The following NUDT3 variants were observed in gnomAD, a reference collection of about 807,000 sequenced individuals.
NUDT3 encodes the protein diphosphoinositol polyphosphate phosphohydrolase 1.
NUDT3 carries 9 observed loss-of-function variants against 23.6 expected under a neutral mutation model. The observed-to-expected ratio is 0.38, with a 90% CI of 0.23 to 0.66. The LOEUF is 0.66. Among genes scored for constraint, NUDT3 ranks in the 30% least tolerant of loss-of-function variants. NUDT3 has a pLI of 0.52. For synonymous variants in NUDT3, 86 were observed against 82.6 expected (o/e 1.04, Z -0.22); for missense variants, 172 against 218.5 (o/e 0.79, Z 1.34).
intron 2 of NUDT3, among the ~76,000 whole-genome samples, chr6:34,326,899 C>A (rs1025932189): frequency 1.3e-5 from 2 of 152,106 alleles, no homozygotes; most frequent in Non-Finnish European, 2.9e-5. Flanking sequence ...TAGGGTCCCG[C>A]CCTACGGGGC....
At chr6:34,387,422 T>C (rs2113772636) in intron 1 of NUDT3, among the ~76,000 whole-genome samples, 1 of 152,212 alleles carries the variant, frequency 6.6e-6, no homozygotes, top group Admixed American at 6.5e-5. Flanking sequence ...TTTGTGTCTT[T>C]GTTTTCAACC....
At chr6:34,367,486 A>T (rs80289435) in intron 1 of NUDT3, among the ~76,000 whole-genome samples, 3 of 144,718 alleles carry the variant, frequency 2.1e-5, no homozygotes, top group Non-Finnish European at 4.6e-5. Flanking sequence ...CCATCTCATT[A>T]AAAAAAAAAA....
chr6:34,281,647 A>T lies in NUDT3; in HGVS notation c.*7106T>A, dbSNP rs1763280890. 6.6e-6 allele frequency: 1 copy of T among 152,244 alleles called. No homozygotes were observed. Among genetic ancestry groups the T allele is most frequent in the African/African-American group, 2.4e-5 (1 of 41,456 alleles). The allele number at this position is 152,244 out of a possible 1,614,324, so 9.4% of individuals were successfully genotyped here. On this transcript the variant is annotated 3_prime_UTR_variant, in exon 5 of 5. Coordinates refer to ENST00000607016, the MANE Select transcript of NUDT3 (RefSeq NM_006703.4). ...CTGACCAATTACTTTTCTAACTACT[A>T]ATGCAACACCATGCCACTGGGCCCT...
At chr6:34,351,198 T>TTAAAAAAAAAAAAAAAAAAAAAA (rs1764462307) in intron 1 of NUDT3, among the ~76,000 whole-genome samples, 1 of 17,898 alleles carries the variant, frequency 5.6e-5, no homozygotes, top group Non-Finnish European at 1.1e-4. Context: ...CTCCCCTGCC[T>TTAAAAAAAAAAAAAAAAAAAAAA]AAAAAAAAAA....
intron 2 of NUDT3, among the ~76,000 whole-genome samples, chr6:34,320,932 T>C (rs1335980294): frequency 6.6e-6 from 1 of 152,028 alleles, no homozygotes; most frequent in Non-Finnish European, 1.5e-5. Context: ...CATATCAGCA[T>C]GGAAAGTCAT....
chr6:34,286,713 C>T lies in NUDT3; in HGVS notation c.*2040G>A, dbSNP rs1050893733. On this transcript the variant is annotated 3_prime_UTR_variant, in exon 5 of 5. Coordinates refer to ENST00000607016, the MANE Select transcript of NUDT3 (RefSeq NM_006703.4). ...GTATCATGGTATCCCAAGAATATAA[C>T]TGCTCTTTGGCTCTGTGTGTGAAGA... The T allele has an allele frequency of 1.3e-5, 2 of 148,746 alleles. No individual in the cohort carries two copies. The highest frequency in any genetic ancestry group is 2.1e-4 in the South Asian group (1 of 4,758). 9.2% of individuals were successfully genotyped at this position (148,746 alleles called of 1,614,324 possible).
At chr6:34,347,114 T>C (rs1393604146) in intron 1 of NUDT3, among the ~76,000 whole-genome samples, 2 of 152,190 alleles carry the variant, frequency 1.3e-5, no homozygotes, top group East Asian at 1.9e-4. Flanking sequence ...CTTCCTATCA[T>C]ATAAAGTACT....
At chr6:34,389,037 A>G (rs910974593) in intron 1 of NUDT3, among the ~76,000 whole-genome samples, 1 of 152,144 alleles carries the variant, frequency 6.6e-6, no homozygotes, top group Admixed American at 6.5e-5. Context: ...GGAGGCTGAG[A>G]TGGGAGGATC....
At chr6:34,362,735 C>T (rs928292529) in intron 1 of NUDT3, among the ~76,000 whole-genome samples, 6 of 152,122 alleles carry the variant, frequency 3.9e-5, no homozygotes, top group Admixed American at 1.3e-4. Flanking sequence ...GGATTACAGG[C>T]GTGAGTCTCT....
chr6:34,360,856 T>G (rs993445703), intron 1 of NUDT3, among the ~76,000 whole-genome samples: 8 of 151,260 alleles, frequency 5.3e-5, no homozygotes, highest in African/African-American at 1.9e-4. Context: ...ACACAGGACA[T>G]TTAAAATTCA....
chr6:34,355,393 T>C (rs1285549073), intron 1 of NUDT3, among the ~76,000 whole-genome samples: 2 of 152,074 alleles, frequency 1.3e-5, no homozygotes, highest in African/African-American at 2.4e-5. Context: ...AGTCACGATG[T>C]ATTATTCTTT....
chr6:34,322,673 T>C (rs1170562555), intron 2 of NUDT3, among the ~76,000 whole-genome samples: 1 of 152,174 alleles, frequency 6.6e-6, no homozygotes, highest in Non-Finnish European at 1.5e-5. Flanking sequence ...AGGAAACAAA[T>C]ATAACAAACA....
chr6:34,337,796 T>C (rs1378169002), intron 2 of NUDT3, among the ~76,000 whole-genome samples: 2 of 152,180 alleles, frequency 1.3e-5, no homozygotes, highest in African/African-American at 2.4e-5. Flanking sequence ...AAACCAAGTA[T>C]CAAGTCTTTG....
chr6:34,298,867 C>T (rs964412019), intron 2 of NUDT3, among the ~76,000 whole-genome samples: 5 of 152,182 alleles, frequency 3.3e-5, no homozygotes, highest in African/African-American at 1.2e-4. Flanking sequence ...TAAATATTTC[C>T]CTATTTACCA....
At position 34,291,239 on chromosome 6, in the gene NUDT3, G is replaced by A. The variant is rs181460824; in HGVS notation, c.340+2212C>T. ...CTCCCAAAGTGCTGGGATTACAAAC[G>A]TGATCCACCATGCCCAGTGATTTTA... On this transcript the variant is annotated intron_variant, in intron 4 of 4. Transcript: ENST00000607016. 1.2e-3 allele frequency among the ~76,000 whole-genome samples: 184 copies of A among 152,094 alleles called. 1 individual carries two copies. The East Asian group carries it at 0.013, about 11-fold the overall frequency.
At chr6:34,325,721 T>G (rs949264818) in intron 2 of NUDT3, among the ~76,000 whole-genome samples, 1 of 152,242 alleles carries the variant, frequency 6.6e-6, no homozygotes, top group Non-Finnish European at 1.5e-5. Context: ...GATCCTCACA[T>G]ATAATGTACT....
At chr6:34,364,460 T>C (rs1175095286) in intron 1 of NUDT3, among the ~76,000 whole-genome samples, 6 of 152,190 alleles carry the variant, frequency 3.9e-5, no homozygotes, top group Non-Finnish European at 7.4e-5. Context: ...ATACAAGTGC[T>C]ACTGACAGTT....
chr6:34,354,579 C>A (rs1764530703), intron 1 of NUDT3, among the ~76,000 whole-genome samples: 1 of 151,596 alleles, frequency 6.6e-6, no homozygotes, highest in Non-Finnish European at 1.5e-5. Context: ...AAAAATTAGC[C>A]AGGCGTGGTG....
intron 2 of NUDT3, among the ~76,000 whole-genome samples, chr6:34,309,695 C>G (rs1017605341): frequency 2.0e-5 from 3 of 151,850 alleles, no homozygotes; most frequent in Non-Finnish European, 4.4e-5. Context: ...GATAAGTCTT[C>G]AGCCACGCTA....
Sources: allele counts gnomAD v4.1 joint callset (sites outside exome capture counted in the v4.1 genomes callset), GRCh38; gene constraint gnomAD v4.1.1; transcripts MANE v1.5; gene names NCBI Gene and HGNC (gene_info 2026-07-23, HGNC 2026-07-21).